Variants in SH3PXD2B observed in about 807,000 individuals in gnomAD.
The protein encoded by SH3PXD2B is SH3 and PX domain-containing protein 2B.
SH3PXD2B carries 37 observed loss-of-function variants against 73.1 expected under a neutral mutation model. The ratio of observed to expected loss-of-function variants is 0.51; its 90% CI spans 0.39 to 0.67. The LOEUF (loss-of-function observed/expected upper bound fraction) is 0.67. SH3PXD2B is among the 30% of genes least tolerant of loss of function. SH3PXD2B has a pLI of 0.00. For synonymous variants in SH3PXD2B, 457 were observed against 480.5 expected, an observed-to-expected ratio of 0.95 and a Z score of 0.64; for missense variants, 1,053 against 1,197.8, an observed-to-expected ratio of 0.88 and a Z score of 1.78.
chr5:172,407,192 G>A (rs1390733440), intron 2 of SH3PXD2B, among the ~76,000 whole-genome samples: 1 of 152,162 alleles, frequency 6.6e-6, no homozygotes, highest in African/African-American at 2.4e-5. Flanking sequence ...GCTGGGCTGC[G>A]GAAGTCATTA....
chr5:172,418,912 T>C (rs757085142), intron 2 of SH3PXD2B, among the ~76,000 whole-genome samples: 2 of 152,164 alleles, frequency 1.3e-5, no homozygotes, highest in Non-Finnish European at 2.9e-5. Flanking sequence ...AACACTGGCC[T>C]TGGGACAGGA....
intron 1 of SH3PXD2B, among the ~76,000 whole-genome samples, chr5:172,443,567 C>T (rs1759595386): frequency 6.6e-6 from 1 of 152,232 alleles, no homozygotes; most frequent in Non-Finnish European, 1.5e-5. Flanking sequence ...CAGATGGTGA[C>T]CTCTGTGAGG....
rs1221588605 is a variant in SH3PXD2B at position 172,454,270 on chromosome 5, G to A, written c.75+8C>T. The A allele has an allele frequency of 1.9e-6, 3 of 1,593,498 alleles. No homozygotes were observed. Among genetic ancestry groups the A allele is most frequent in the East Asian group, 2.3e-5 (1 of 43,460 alleles). ...CTCAAGGGGGCGTGGGGGCCGCGCC[G>A]CACTCACATAATGCTTGTTGGGCAC... On this transcript the variant is annotated splice_region_variant and intron_variant, in intron 1 of 12. Transcript: ENST00000311601.
chr5:172,428,583 C>T (rs892277537), intron 1 of SH3PXD2B, among the ~76,000 whole-genome samples: 7 of 152,300 alleles, frequency 4.6e-5, no homozygotes, highest in African/African-American at 1.7e-4. Flanking sequence ...AGTATAACCC[C>T]ATGATTGCTT....
At chr5:172,403,509 T>C (rs956524842) in intron 3 of SH3PXD2B, among the ~76,000 whole-genome samples, 88 of 152,032 alleles carry the variant, frequency 5.8e-4, no homozygotes, top group Non-Finnish European at 1.1e-3. Flanking sequence ...CAGCAGGACC[T>C]CTCCAAGCCA....
chr5:172,430,155 T>C (rs1198554452), intron 1 of SH3PXD2B, among the ~76,000 whole-genome samples: 1 of 152,206 alleles, frequency 6.6e-6, no homozygotes, highest in Non-Finnish European at 1.5e-5. Context: ...TGCCTGGATA[T>C]GGTAAATGTT....
intron 7 of SH3PXD2B, among the ~76,000 whole-genome samples, chr5:172,359,950 AG>A (rs1757363428): frequency 6.6e-6 from 1 of 152,176 alleles, no homozygotes; most frequent in African/African-American, 2.4e-5. Flanking sequence ...GCGCTGAAGA[AG>A]GAAGAAAGGG....
At chr5:172,391,705 T>A (rs543229124) in intron 4 of SH3PXD2B, among the ~76,000 whole-genome samples, 1 of 152,338 alleles carries the variant, frequency 6.6e-6, no homozygotes, top group South Asian at 2.1e-4. Context: ...TCTGTCTGCC[T>A]TGTGATCTGT....
chr5:172,446,201 G>A (rs563684159), intron 1 of SH3PXD2B, among the ~76,000 whole-genome samples: 2 of 152,314 alleles, frequency 1.3e-5, no homozygotes, highest in South Asian at 4.1e-4. Context: ...AAGCTCATTG[G>A]ATCTCCCCAA....
intron 3 of SH3PXD2B, among the ~76,000 whole-genome samples, chr5:172,400,141 C>G (rs1314068775): frequency 6.6e-6 from 1 of 152,186 alleles, no homozygotes; most frequent in Non-Finnish European, 1.5e-5. Context: ...CGGCCTCTCC[C>G]TTTCTCCTTT....
At chr5:172,400,428 A>G (rs1581309696) in intron 3 of SH3PXD2B, among the ~76,000 whole-genome samples, 2 of 152,334 alleles carry the variant, frequency 1.3e-5, no homozygotes, top group East Asian at 3.9e-4. Flanking sequence ...TCATCATTCT[A>G]CTTTGCATAG....
In SH3PXD2B at chr5:172,335,438, A is replaced by C. The variant is rs77622130; in HGVS notation, c.*2931T>G. The C allele has an allele frequency of 6.1e-5, 75 of 1,229,046 alleles. No homozygotes were observed. The highest frequency in any genetic ancestry group is 2.1e-4 in the South Asian group (5 of 23,482). The allele number at this position is 1,229,046 out of a possible 1,614,324, so 76.1% of individuals were successfully genotyped here. ...CGAGGGAAAGAACAACAACAACAAA[A>C]CCAAACAAACCCAAACTCGAGATCT... is the stretch of plus-strand genomic sequence containing the variant. On this transcript the variant is annotated 3_prime_UTR_variant, in exon 13 of 13. Coordinates refer to ENST00000311601, the MANE Select transcript of SH3PXD2B (RefSeq NM_001017995.3).
chr5:172,382,555 CA>C (rs1003733887), intron 4 of SH3PXD2B, among the ~76,000 whole-genome samples: 1 of 106,954 alleles, frequency 9.3e-6, no homozygotes, highest in African/African-American at 4.0e-5. Flanking sequence ...GTTTGGAGAA[CA>C]ACACACACAC....
intron 7 of SH3PXD2B, among the ~76,000 whole-genome samples, chr5:172,359,167 G>C (rs995773716): frequency 6.6e-6 from 1 of 151,974 alleles, no homozygotes; most frequent in African/African-American, 2.4e-5. Context: ...TGGATGGATT[G>C]CTTGAGTTCA....
chr5:172,330,553 G>A (rs1005207488), downstream of SH3PXD2B, among the ~76,000 whole-genome samples: 1 of 152,204 alleles, frequency 6.6e-6, no homozygotes, highest in Non-Finnish European at 1.5e-5. Flanking sequence ...TAGTATGTAA[G>A]AGGCTGATTA....
chr5:172,368,404 C>T (rs551066442), intron 6 of SH3PXD2B, among the ~76,000 whole-genome samples: 70 of 138,048 alleles, frequency 5.1e-4, no homozygotes, highest in African/African-American at 1.7e-3. Context: ...TACTGCCTAA[C>T]GGCTCGTAGG....
intron 2 of SH3PXD2B, among the ~76,000 whole-genome samples, chr5:172,414,456 TAAAAAAAAA>T (rs1007937801): frequency 5.2e-5 from 4 of 77,554 alleles, no homozygotes; most frequent in Non-Finnish European, 1.0e-4. Flanking sequence ...GACTCCATCT[TAAAAAAAAA>T]AAAAAAAAAA....
At position 172,373,186 on chromosome 5, in the gene SH3PXD2B, C is replaced by T. The variant is rs146409123; in HGVS notation, c.427+604G>A. On this transcript the variant is annotated intron_variant, in intron 6 of 12. Transcript: ENST00000311601. Reference sequence around the variant, plus strand: ...TTGCCCAAAAAGGGCTGGGGTCTGGCGCCAAGGATGTCAAATGGACATGGC... The same window carrying T: ...TTGCCCAAAAAGGGCTGGGGTCTGGTGCCAAGGATGTCAAATGGACATGGC... Among the ~76,000 whole-genome samples, 19 of 152,306 alleles carry T rather than the reference C, an allele frequency of 1.2e-4. No homozygotes were observed. In the South Asian group the frequency reaches 2.7e-3, roughly 22 times the overall value.
chr5:172,332,794 G>T (rs901236109), downstream of SH3PXD2B, among the ~76,000 whole-genome samples: 71 of 152,184 alleles, frequency 4.7e-4, no homozygotes, highest in Non-Finnish European at 1.0e-4. Context: ...TCCACACTGG[G>T]GTTGATTTTG....
Sources: allele counts gnomAD v4.1 joint callset (sites outside exome capture counted in the v4.1 genomes callset), GRCh38; gene constraint gnomAD v4.1.1; transcripts MANE v1.5; gene names NCBI Gene and HGNC (gene_info 2026-07-23, HGNC 2026-07-21).